Variants in INTS4 observed in about 807,000 individuals in gnomAD.
INTS4 encodes integrator complex subunit 4.
INTS4 carries 70 observed loss-of-function variants against 119.5 expected under a neutral mutation model. The observed-to-expected ratio is 0.59, with a 90% CI of 0.48 to 0.71. The LOEUF is 0.71. Ranked by LOEUF, INTS4 falls within the 30% of genes least tolerant of loss-of-function variation. INTS4 has a pLI of 0.00. For missense variants in INTS4, 867 were observed against 1,173.2 expected, an observed-to-expected ratio of 0.74 and a Z score of 3.81; for synonymous variants, 316 against 419.6, an observed-to-expected ratio of 0.75 and a Z score of 3.02.
At chr11:77,990,526 A>C (rs1281651316) in intron 2 of INTS4, among the ~76,000 whole-genome samples, 1 of 152,026 alleles carries the variant, frequency 6.6e-6, no homozygotes, top group Admixed American at 6.6e-5. Flanking sequence ...TCTCTACTAA[A>C]AATACAAAAA....
chr11:77,915,549 C>T (rs1333604412), intron 15 of INTS4, among the ~76,000 whole-genome samples: 2 of 152,168 alleles, frequency 1.3e-5, no homozygotes, highest in African/African-American at 4.8e-5. Flanking sequence ...CACGGCACTC[C>T]CAGGGGAGCC....
At chr11:77,961,849 T>C (rs1954484620) in intron 4 of INTS4, among the ~76,000 whole-genome samples, 1 of 152,254 alleles carries the variant, frequency 6.6e-6, no homozygotes, top group South Asian at 2.1e-4. Flanking sequence ...CATGAAAATC[T>C]ATTTAGCCTT....
At chr11:77,964,869 C>A (rs1423584889) in intron 4 of INTS4, among the ~76,000 whole-genome samples, 1 of 152,034 alleles carries the variant, frequency 6.6e-6, no homozygotes. Flanking sequence ...AGCATATTTA[C>A]ATAATCTCAA....
intron 8 of INTS4, among the ~76,000 whole-genome samples, chr11:77,944,755 T>C (rs1344429144): frequency 1.3e-5 from 2 of 152,244 alleles, no homozygotes; most frequent in Non-Finnish European, 2.9e-5. Flanking sequence ...AAATGTTCAC[T>C]GGAGCACTTC....
chr11:77,921,488 G>A lies in INTS4; in HGVS notation c.1631-15C>T, dbSNP rs1035994722. 11 of 1,586,516 alleles carry A rather than the reference G, an allele frequency of 6.9e-6. No individual in the cohort carries two copies. The highest frequency in any genetic ancestry group is 8.6e-6 in the Non-Finnish European group (10 of 1,156,232). On this transcript the variant is annotated splice_polypyrimidine_tract_variant and intron_variant, in intron 13 of 22. Transcript: ENST00000534064. Reference sequence around the variant, plus strand: ...AACTGCAATATCTGATAGATGACTGGGTTAAGTAAACTTGGAAGTATAAAA... The same window carrying A: ...AACTGCAATATCTGATAGATGACTGAGTTAAGTAAACTTGGAAGTATAAAA...
At chr11:77,954,332 T>C (rs1369495334) in intron 8 of INTS4, among the ~76,000 whole-genome samples, 2 of 151,950 alleles carry the variant, frequency 1.3e-5, no homozygotes, top group Non-Finnish European at 2.9e-5. Flanking sequence ...TTTTGAAAAA[T>C]AGAGATGGGG....
At chr11:77,936,658 T>C (rs1282161146) in intron 10 of INTS4, among the ~76,000 whole-genome samples, 6 of 152,254 alleles carry the variant, frequency 3.9e-5, no homozygotes, top group Middle Eastern at 6.8e-3. Context: ...AGATGAAATA[T>C]ATACTAGGTG....
chr11:77,883,069 G>A (rs752185879), intron 22 of INTS4, among the ~76,000 whole-genome samples: 3 of 105,744 alleles, frequency 2.8e-5, no homozygotes, highest in Admixed American at 9.8e-5. Flanking sequence ...GCAAGACTCC[G>A]TCTCAAAATA....
chr11:77,913,876 C>T (rs1365192931), intron 15 of INTS4, among the ~76,000 whole-genome samples: 1 of 152,016 alleles, frequency 6.6e-6, no homozygotes, highest in Non-Finnish European at 1.5e-5. Context: ...ATCAGAGAAC[C>T]TTCTGTATGA....
intron 1 of INTS4, among the ~76,000 whole-genome samples, chr11:77,991,746 G>C (rs1157314860): frequency 1.3e-5 from 2 of 151,964 alleles, no homozygotes; most frequent in Non-Finnish European, 2.9e-5. Context: ...TGGGTTTAGA[G>C]GTCACACAAA....
chr11:77,994,475 C>G (rs1856820014), intron 1 of INTS4, 115 bp downstream of exon 1: 2 of 797,406 alleles, frequency 2.5e-6, no homozygotes, highest in East Asian at 2.5e-5. Flanking sequence ...AGATTATCAA[C>G]AAGTCAGCAC....
chr11:77,908,146 G>C (rs1317739633), intron 15 of INTS4, among the ~76,000 whole-genome samples: 2 of 152,110 alleles, frequency 1.3e-5, no homozygotes, highest in Non-Finnish European at 2.9e-5. Context: ...TCATTGTTAT[G>C]TGGACTATTA....
intron 15 of INTS4, chr11:77,917,997 T>A: frequency 1.4e-6 from 1 of 695,984 alleles, no homozygotes; most frequent in Non-Finnish European, 2.6e-6. Context: ...TTTTGGGAAG[T>A]GTCTTTAAAC....
chr11:77,935,096 T>C (rs1209524081), intron 10 of INTS4, among the ~76,000 whole-genome samples: 1 of 152,114 alleles, frequency 6.6e-6, no homozygotes, highest in Non-Finnish European at 1.5e-5. Flanking sequence ...TTCTGAGATG[T>C]ACATGAGACA....
At chr11:77,992,027 T>C (rs1856710236) in intron 1 of INTS4, among the ~76,000 whole-genome samples, 1 of 151,684 alleles carries the variant, frequency 6.6e-6, no homozygotes, top group Non-Finnish European at 1.5e-5. Flanking sequence ...TTTTGCCATG[T>C]TACCCAGGCT....
At chr11:77,958,913 G>C (rs1158488469) in intron 6 of INTS4, 79 bp from the exon 7 acceptor site, 11 of 956,852 alleles carry the variant, frequency 1.1e-5, no homozygotes, top group Non-Finnish European at 1.7e-5. Flanking sequence ...AGTGAAGATA[G>C]GGTGGTTGGA....
At chr11:77,936,188 G>C (rs1237727112) in intron 10 of INTS4, among the ~76,000 whole-genome samples, 1 of 151,874 alleles carries the variant, frequency 6.6e-6, no homozygotes, top group Non-Finnish European at 1.5e-5. Flanking sequence ...AATATATACA[G>C]GATGGAATAT....
chr11:77,955,784 G>A (rs1426634832), intron 8 of INTS4, among the ~76,000 whole-genome samples, 158 bp downstream of exon 8: 5 of 152,142 alleles, frequency 3.3e-5, no homozygotes, highest in African/African-American at 7.2e-5. Context: ...GTGAGTCACC[G>A]CACCCAGCCT....
chr11:77,969,301 C>T (rs938403042), intron 4 of INTS4, among the ~76,000 whole-genome samples: 2 of 152,064 alleles, frequency 1.3e-5, no homozygotes, highest in East Asian at 1.9e-4. Flanking sequence ...TCCCAGAAAA[C>T]GTACGCAATT....
Sources: gnomAD v4.1 joint callset for allele counts (sites outside exome capture counted in the v4.1 genomes callset) on GRCh38, gnomAD v4.1.1 for gene constraint, MANE v1.5 for transcripts, NCBI Gene and HGNC (gene_info 2026-07-23, HGNC 2026-07-21) for gene names.